The following FHL5 variants were observed in gnomAD, a reference collection of about 807,000 sequenced individuals.
FHL5 encodes four and a half LIM domains 5.
In FHL5, 33 loss-of-function variants were observed where a neutral mutation model predicts 32.0. The observed-to-expected ratio is 1.03, with a 90% CI of 0.78 to 1.38. The LOEUF (loss-of-function observed/expected upper bound fraction) is 1.38. FHL5 is among the 40% of genes most tolerant of loss of function. The pLI is 0.00. For missense variants in FHL5, 336 were observed against 343.9 expected (o/e 0.98, Z 0.18); for synonymous variants, 114 against 113.6 (o/e 1.00, Z -0.02).
At chr6:96,571,588 G>A (rs1461484876) in intron 1 of FHL5, among the ~76,000 whole-genome samples, 1 of 152,126 alleles carries the variant, frequency 6.6e-6, no homozygotes, top group Non-Finnish European at 1.5e-5. Flanking sequence ...GGCAGGGTTG[G>A]ATGTAGGTTA....
intron 1 of FHL5, among the ~76,000 whole-genome samples, chr6:96,599,821 G>A (rs1013110476): frequency 2.0e-5 from 3 of 152,186 alleles, no homozygotes; most frequent in Non-Finnish European, 2.9e-5. Flanking sequence ...ACCAATTGGG[G>A]TACATGTTTA....
intron 1 of FHL5, among the ~76,000 whole-genome samples, chr6:96,593,251 A>C (rs1005308623): frequency 3.3e-5 from 5 of 152,066 alleles, no homozygotes; most frequent in Admixed American, 1.3e-4. Flanking sequence ...TGAACATATT[A>C]AGGATAGTTT....
At chr6:96,610,292 C>A (rs144685052) in intron 4 of FHL5, among the ~76,000 whole-genome samples, 2 of 152,118 alleles carry the variant, frequency 1.3e-5, no homozygotes, top group Non-Finnish European at 2.9e-5. Flanking sequence ...GAAAAATATA[C>A]AATAATTTCC....
In FHL5 at chr6:96,579,983, C is replaced by G. The variant is rs143143565; in HGVS notation, c.-13+16628C>G. Among the ~76,000 whole-genome samples the G allele has an allele frequency of 1.3e-3, 204 of 152,310 alleles. 1 individual carries two copies. The highest frequency in any genetic ancestry group is 4.0e-3 in the African/African-American group (167 of 41,558). ...ATAAAAAGGTTTAAAGAGACATCCA[C>G]CAGTAAAACTGCTGGTAGACTTGCA... On this transcript the variant is annotated intron_variant, in intron 1 of 5. Coordinates refer to ENST00000450218, the MANE Select transcript of FHL5 (RefSeq NM_001322466.2).
At chr6:96,584,619 A>T (rs772090311) in intron 1 of FHL5, among the ~76,000 whole-genome samples, 1 of 152,128 alleles carries the variant, frequency 6.6e-6, no homozygotes, top group Non-Finnish European at 1.5e-5. Flanking sequence ...GAAGTTTTTC[A>T]CCAGAGAAAG....
At chr6:96,614,054 C>T (rs1390863853) in intron 5 of FHL5, among the ~76,000 whole-genome samples, 1 of 152,214 alleles carries the variant, frequency 6.6e-6, no homozygotes, top group Non-Finnish European at 1.5e-5. Context: ...AGGGAGTAAA[C>T]ATATTCCTTT....
Position 96,618,453 on chromosome 6 carries a change from C to G in FHL5, c.*2681C>G, listed in dbSNP as rs6921480. On this transcript the variant is annotated 3_prime_UTR_variant, in exon 6 of 6. Transcript: ENST00000450218. ...CTCTTAGGATAAAAAGTGACATAAC[C>G]GGCCATAGAAAGTTACCAACTGTTC... 0.39 allele frequency among the ~76,000 whole-genome samples: 59,777 copies of G among 152,140 alleles called. 12,493 individuals are homozygous for G. The highest frequency in any genetic ancestry group is 0.55 in the African/African-American group (22,661 of 41,492).
intron 1 of FHL5, among the ~76,000 whole-genome samples, chr6:96,590,761 A>G (rs968557865): frequency 2.0e-5 from 3 of 152,026 alleles, no homozygotes; most frequent in Admixed American, 6.6e-5. Flanking sequence ...AGTTTCTTTC[A>G]TTTTTAGTTT....
At chr6:96,599,608 G>T (rs755142241) in intron 1 of FHL5, among the ~76,000 whole-genome samples, 2 of 152,154 alleles carry the variant, frequency 1.3e-5, no homozygotes, top group Non-Finnish European at 2.9e-5. Flanking sequence ...TCTACTCATT[G>T]TCTTCATTAT....
intron 1 of FHL5, among the ~76,000 whole-genome samples, chr6:96,573,379 G>C (rs1397328938): frequency 1.3e-5 from 2 of 151,694 alleles, no homozygotes; most frequent in Admixed American, 1.3e-4. Flanking sequence ...GGTATAATTT[G>C]CATTTGAAAA....
intron 4 of FHL5, among the ~76,000 whole-genome samples, chr6:96,609,884 G>A (rs926781413): frequency 1.3e-5 from 2 of 152,110 alleles, no homozygotes; most frequent in African/African-American, 2.4e-5. Flanking sequence ...CTGAAAAGAG[G>A]GAAAGATAAT....
chr6:96,603,915 A>G, intron 2 of FHL5, 143 bp downstream of exon 2: 1 of 625,204 alleles, frequency 1.6e-6, no homozygotes, highest in South Asian at 2.0e-5. Flanking sequence ...ACCAGCAGTC[A>G]AGCTCCAGCC....
intron 1 of FHL5, among the ~76,000 whole-genome samples, chr6:96,570,969 T>G (rs188918742): frequency 1.3e-5 from 2 of 152,168 alleles, no homozygotes; most frequent in African/African-American, 4.8e-5. Flanking sequence ...ATCATTATTT[T>G]ACATTTTTTT....
intron 1 of FHL5, among the ~76,000 whole-genome samples, chr6:96,600,476 T>G (rs1301765290): frequency 6.6e-6 from 1 of 152,136 alleles, no homozygotes; most frequent in African/African-American, 2.4e-5. Context: ...CTTTCCTTGC[T>G]TCTTTTCTTC....
At chr6:96,605,136 A>G (rs1265785673) in intron 3 of FHL5, among the ~76,000 whole-genome samples, 2 of 152,356 alleles carry the variant, frequency 1.3e-5, no homozygotes, top group East Asian at 1.9e-4. Context: ...GTGTATTTTC[A>G]TATAGTCTAA....
At chr6:96,609,566 A>T (rs1441643761) in intron 4 of FHL5, among the ~76,000 whole-genome samples, 1 of 152,250 alleles carries the variant, frequency 6.6e-6, no homozygotes, top group Non-Finnish European at 1.5e-5. Context: ...CATCTCAGGC[A>T]AAACACTGCA....
chr6:96,573,947 G>A (rs1445843311), intron 1 of FHL5, among the ~76,000 whole-genome samples: 1 of 151,538 alleles, frequency 6.6e-6, no homozygotes, highest in African/African-American at 2.4e-5. Context: ...AATTTGAAAG[G>A]TACTGAAAAG....
chr6:96,572,947 C>T (rs1770510086), intron 1 of FHL5, among the ~76,000 whole-genome samples: 1 of 152,206 alleles, frequency 6.6e-6, no homozygotes. Flanking sequence ...ATTGTTCTGG[C>T]TGTCTTTGAC....
chr6:96,583,278 G>A (rs958046336), intron 1 of FHL5, among the ~76,000 whole-genome samples: 2 of 152,118 alleles, frequency 1.3e-5, no homozygotes, highest in African/African-American at 2.4e-5. Flanking sequence ...TAACTTTTTC[G>A]TAGTTTTAAA....
Sources: allele counts gnomAD v4.1 joint callset (sites outside exome capture counted in the v4.1 genomes callset), GRCh38; gene constraint gnomAD v4.1.1; transcripts MANE v1.5; gene names NCBI Gene and HGNC (gene_info 2026-07-23, HGNC 2026-07-21).